KLF17: variants seen among roughly 807,000 people sequenced by gnomAD.
The protein encoded by KLF17 is Krueppel-like factor 17.
Under a neutral mutation model 34.2 loss-of-function variants are expected in KLF17, and 31 were observed. The observed-to-expected ratio is 0.91, with a 90% CI of 0.68 to 1.22. KLF17 has a LOEUF of 1.22. Ranked by LOEUF, KLF17 falls within the 50% of genes most tolerant of loss-of-function variation. The pLI is 0.00. For missense variants in KLF17, 478 were observed against 505.2 expected (o/e 0.95, Z 0.52); for synonymous variants, 179 against 186.7 (o/e 0.96, Z 0.34).
At chr1:44,074,370 A>T in the KLF17 span, among the ~76,000 whole-genome samples, 1 of 151,606 alleles carries the variant, frequency 6.6e-6, no homozygotes, top group Admixed American at 6.6e-5. Flanking sequence ...TGATGCCACC[A>T]TTGTGGCTAG....
chr1:44,091,340 T>C, the KLF17 span, among the ~76,000 whole-genome samples: 10 of 152,054 alleles, frequency 6.6e-5, no homozygotes, highest in Non-Finnish European at 1.3e-4. Context: ...CAATATCACA[T>C]GTCCTGTAGC....
chr1:44,078,612 T>C, the KLF17 span, among the ~76,000 whole-genome samples: 4 of 152,118 alleles, frequency 2.6e-5, no homozygotes, highest in African/African-American at 9.7e-5. Flanking sequence ...TAATTTTTTG[T>C]ATTTTGGTAG....
the KLF17 span, among the ~76,000 whole-genome samples, chr1:44,066,622 T>C: frequency 2.0e-5 from 3 of 152,172 alleles, no homozygotes; most frequent in African/African-American, 7.2e-5. Flanking sequence ...TTTGTCATTA[T>C]CTTGTGTTAT....
At chr1:44,054,682 C>T in the KLF17 span, among the ~76,000 whole-genome samples, 6 of 150,898 alleles carry the variant, frequency 4.0e-5, no homozygotes, top group African/African-American at 1.5e-4. Context: ...GGGGTTTCAC[C>T]GTGTTAGCCA....
the KLF17 span, among the ~76,000 whole-genome samples, chr1:44,080,728 T>C: frequency 6.7e-6 from 1 of 148,692 alleles, no homozygotes; most frequent in Admixed American, 6.7e-5. Flanking sequence ...TTTTTTTTTT[T>C]TTTTTTTGCA....
At chr1:44,083,693 C>G in the KLF17 span, among the ~76,000 whole-genome samples, 1 of 149,938 alleles carries the variant, frequency 6.7e-6, no homozygotes, top group African/African-American at 2.5e-5. Flanking sequence ...ACTTGGGAGG[C>G]TGAGGCAGGA....
At chr1:44,097,052 C>T in the KLF17 span, among the ~76,000 whole-genome samples, 2 of 152,258 alleles carry the variant, frequency 1.3e-5, no homozygotes, top group East Asian at 3.9e-4. Context: ...ATATGGCTAG[C>T]CAGTTTTCTT....
At position 44,130,026 on chromosome 1, in the gene KLF17, C is replaced by A; in HGVS notation, c.755C>A (p.Pro252Gln). ...GACTCTCAAGAAGGCCCATTTCTAC[C>A]AGAGCAGCCCGGACCTGCTCCACAG... ...QPDSQEGPFLPEQPGPAPQTV... is the reference protein window; with the variant it reads ...QPDSQEGPFLQEQPGPAPQTV... Residue 252 changes from proline to glutamine, a missense_variant, in exon 2 of 4, where the codon CCA becomes CAA. Coordinates refer to ENST00000372299, the MANE Select transcript of KLF17 (RefSeq NM_173484.4). 1 of 1,614,212 alleles carries A rather than the reference C, an allele frequency of 6.2e-7. No homozygotes were observed.
the KLF17 span, among the ~76,000 whole-genome samples, chr1:44,086,332 G>T: frequency 1.3e-5 from 2 of 152,218 alleles, no homozygotes; most frequent in African/African-American, 2.4e-5. Context: ...CAGGCGTGGT[G>T]GCGCATGCCT....
the KLF17 span, among the ~76,000 whole-genome samples, chr1:44,072,064 G>C: frequency 6.6e-6 from 1 of 152,224 alleles, no homozygotes; most frequent in East Asian, 1.9e-4. Flanking sequence ...TAATGATGGA[G>C]GTGGTGAGAA....
At chr1:44,129,080 A>C (rs967476791) in intron 1 of KLF17, among the ~76,000 whole-genome samples, 1 of 152,052 alleles carries the variant, frequency 6.6e-6, no homozygotes, top group Middle Eastern at 3.4e-3. Flanking sequence ...TAGGTTATGG[A>C]CTGTTTTATT....
intron 1 of KLF17, among the ~76,000 whole-genome samples, chr1:44,127,063 G>GTTTTT (rs71587040): frequency 7.9e-6 from 1 of 126,910 alleles, no homozygotes; most frequent in African/African-American, 2.9e-5. Flanking sequence ...TGCCTGGCTT[G>GTTTTT]TTTTTTTTTT....
chr1:44,108,454 G>A, the KLF17 span, among the ~76,000 whole-genome samples: 1 of 152,006 alleles, frequency 6.6e-6, no homozygotes, highest in Non-Finnish European at 1.5e-5. Flanking sequence ...TCCATAGCCT[G>A]CCCATGAATG....
chr1:44,130,003 C>A lies in KLF17; in HGVS notation c.732C>A (p.Asp244Glu), dbSNP rs2088086467. The A allele has an allele frequency of 1.9e-6, 3 of 1,614,196 alleles. No homozygotes were observed. The highest frequency in any genetic ancestry group is 2.5e-6 in the Non-Finnish European group (3 of 1,180,032). The stretch of plus-strand genomic sequence containing the variant: ...AGGACTCTCTTGTCAGTCAGCCAGA[C>A]TCTCAAGAAGGCCCATTTCTACCAG... The part of the protein sequence containing the change: ...GSQDSLVSQP[D>E]SQEGPFLPEQ... Residue 244 changes from aspartate to glutamate, a missense_variant, in exon 2 of 4, where the codon GAC becomes GAA. Asp to Glu is a conservative substitution (Grantham distance 45). Transcript: ENST00000372299.
At chr1:44,104,143 C>A in the KLF17 span, 1 of 1,051,428 alleles carries the variant, frequency 9.5e-7, no homozygotes, top group Non-Finnish European at 1.5e-6. Context: ...AGGCCAGACT[C>A]CAGCTCTAAC....
At chr1:44,117,441 TTTTATTTTATTTTATTTTATTTTA>T (rs1224983563), upstream of KLF17, 6 of 33,642 alleles carry the variant, frequency 1.8e-4, no homozygotes, top group East Asian at 4.8e-4. Context: ...TTTTTATTTA[TTTTATTTTATTTTATTTTATTTTA>T]TTTATTTTAT....
At chr1:44,065,766 T>A in the KLF17 span, among the ~76,000 whole-genome samples, 1 of 152,084 alleles carries the variant, frequency 6.6e-6, no homozygotes, top group Non-Finnish European at 1.5e-5. Flanking sequence ...TTAGAAGAAA[T>A]AAAAATACAT....
chr1:44,130,058 G>C lies in KLF17; in HGVS notation c.787G>C (p.Glu263Gln). 1 of 1,614,224 alleles carries C rather than the reference G, an allele frequency of 6.2e-7. No individual in the cohort carries two copies. The highest frequency in any genetic ancestry group is 8.5e-7 in the Non-Finnish European group (1 of 1,180,038). ...GCCCGGACCTGCTCCACAGACAGTAGAGAAGAACTCCAGGCCTCAGGAAGG... is the reference window on the plus strand; with the variant it reads ...GCCCGGACCTGCTCCACAGACAGTACAGAAGAACTCCAGGCCTCAGGAAGG... ...EQPGPAPQTV[E>Q]KNSRPQEGTG... The change falls in exon 2 of 4, where the codon GAG (glutamate) becomes CAG (glutamine). Residue 263 changes from glutamate to glutamine, a missense_variant. By Grantham distance (29) the Glu-to-Gln change is conservative (BLOSUM62 2). Coordinates refer to ENST00000372299, the MANE Select transcript of KLF17 (RefSeq NM_173484.4).
chr1:44,079,894 T>G, the KLF17 span, among the ~76,000 whole-genome samples: 1 of 152,070 alleles, frequency 6.6e-6, no homozygotes, highest in East Asian at 1.9e-4. Flanking sequence ...TTACCCATTT[T>G]TCTATTTGTG....
Sources: allele counts gnomAD v4.1 joint callset (sites outside exome capture counted in the v4.1 genomes callset), GRCh38; gene constraint gnomAD v4.1.1; transcripts MANE v1.5; gene names NCBI Gene and HGNC (gene_info 2026-07-23, HGNC 2026-07-21).